Variants in CSMD1 observed in about 807,000 individuals in gnomAD.
CSMD1 encodes CUB and Sushi multiple domains 1.
In CSMD1, 213 loss-of-function variants were observed where a neutral mutation model predicts 417.5. The ratio of observed to expected loss-of-function variants is 0.51; its 90% CI spans 0.46 to 0.57. CSMD1 has a LOEUF of 0.57. Among genes scored for constraint, CSMD1 ranks in the 20% least tolerant of loss-of-function variants. The pLI is 0.00. For missense variants in CSMD1, 6,923 were observed against 4,529.7 expected, an observed-to-expected ratio of 1.53 and a Z score of -15.17; for synonymous variants, 2,862 against 1,736.8, an observed-to-expected ratio of 1.65 and a Z score of -16.11.
chr8:4,520,328 T>A (rs1803373291), intron 2 of CSMD1, among the ~76,000 whole-genome samples: 1 of 152,216 alleles, frequency 6.6e-6, no homozygotes, highest in Admixed American at 6.5e-5. Flanking sequence ...TTGCTGTAGA[T>A]AATAGTCAAT....
intron 26 of CSMD1, among the ~76,000 whole-genome samples, chr8:3,282,395 G>T (rs1360988216): frequency 6.6e-6 from 1 of 152,110 alleles, no homozygotes; most frequent in Non-Finnish European, 1.5e-5. Flanking sequence ...TGAAAAAAAT[G>T]CCTGGAGAAT....
chr8:4,930,249 A>T (rs1481161235), intron 1 of CSMD1, among the ~76,000 whole-genome samples: 2 of 152,188 alleles, frequency 1.3e-5, no homozygotes, highest in East Asian at 3.9e-4. Flanking sequence ...GTGCTAACTA[A>T]TCACACAAAT....
intron 5 of CSMD1, among the ~76,000 whole-genome samples, chr8:3,980,851 A>T (rs964824575): frequency 6.6e-6 from 1 of 152,154 alleles, no homozygotes; most frequent in African/African-American, 2.4e-5. Context: ...CTACTTTGAA[A>T]ATCCTTTCAA....
chr8:4,790,847 G>T (rs1329450390), intron 1 of CSMD1, among the ~76,000 whole-genome samples: 3 of 152,110 alleles, frequency 2.0e-5, no homozygotes, highest in Non-Finnish European at 4.4e-5. Flanking sequence ...ATGAATTAAA[G>T]ACTTAAACGG....
chr8:4,004,596 C>T (rs1284518719), intron 4 of CSMD1, among the ~76,000 whole-genome samples: 1 of 150,548 alleles, frequency 6.6e-6, no homozygotes, highest in African/African-American at 2.4e-5. Flanking sequence ...TTGGGATTTT[C>T]CTTCTTTCCT....
chr8:3,881,906 G>T (rs904212552), intron 5 of CSMD1, among the ~76,000 whole-genome samples: 1 of 152,132 alleles, frequency 6.6e-6, no homozygotes, highest in African/African-American at 2.4e-5. Flanking sequence ...TGTTCATACA[G>T]AAAAAGTTAC....
intron 3 of CSMD1, among the ~76,000 whole-genome samples, chr8:4,108,477 T>C (rs4606080): frequency 0.9 from 137,735 of 152,220 alleles, 62,479 homozygotes; most frequent in South Asian, 0.96. Context: ...GCATCAGATT[T>C]AGTGGCAAGT....
intron 2 of CSMD1, among the ~76,000 whole-genome samples, chr8:4,452,292 A>T (rs758770247): frequency 3.6e-4 from 55 of 152,312 alleles, no homozygotes; most frequent in African/African-American, 1.3e-3. Flanking sequence ...TTGTCTTAAC[A>T]ACTATTTAGG....
chr8:3,653,444 G>C (rs753858392), intron 7 of CSMD1, among the ~76,000 whole-genome samples: 13 of 152,080 alleles, frequency 8.5e-5, no homozygotes, highest in Non-Finnish European at 1.8e-4. Context: ...CAGTAGCTGG[G>C]ATTATAGGTG....
At chr8:4,055,299 G>A (rs1037742358) in intron 3 of CSMD1, among the ~76,000 whole-genome samples, 2 of 152,080 alleles carry the variant, frequency 1.3e-5, no homozygotes, top group Non-Finnish European at 1.5e-5. Context: ...TCTCTAGAAA[G>A]ATTCCAATGT....
At chr8:4,462,664 G>T (rs546104116) in intron 2 of CSMD1, among the ~76,000 whole-genome samples, 1 of 152,102 alleles carries the variant, frequency 6.6e-6, no homozygotes, top group Admixed American at 6.6e-5. Context: ...TAAAATTCAC[G>T]TTCCAGAGAT....
In CSMD1 at chr8:4,439,143, T is replaced by C. The variant is rs1409600342; in HGVS notation, c.303-19078A>G. 4.6e-5 allele frequency among the ~76,000 whole-genome samples: 7 copies of C among 152,216 alleles called. No homozygotes were observed. In the East Asian group the frequency reaches 1.3e-3, roughly 29 times the overall value. On this transcript the variant is annotated intron_variant, in intron 2 of 69. Transcript: ENST00000635120. ...CAATTAATCATCTATATCACCTTGT[T>C]ACTGCTGTGGTAAAGATTATTTCAA... is the stretch of plus-strand genomic sequence containing the variant.
intron 7 of CSMD1, among the ~76,000 whole-genome samples, chr8:3,636,334 C>A (rs543456339): frequency 6.6e-6 from 1 of 152,156 alleles, no homozygotes; most frequent in Non-Finnish European, 1.5e-5. Flanking sequence ...TGCGCCACCA[C>A]GCCTGGCTAA....
intron 3 of CSMD1, among the ~76,000 whole-genome samples, chr8:4,239,114 A>G: frequency 6.6e-6 from 1 of 152,210 alleles, no homozygotes; most frequent in Non-Finnish European, 1.5e-5. Context: ...AAGGGAGATT[A>G]TGTGGGTTAA....
At position 3,407,959 on chromosome 8, in the gene CSMD1, G is replaced by T. The variant is rs1244094374; in HGVS notation, c.2011C>A (p.Arg671Ser). Residue 671 changes from arginine (R) to serine (S), a missense_variant, in exon 14 of 70, where the codon CGC becomes AGC. Arg to Ser is a moderately radical substitution (Grantham distance 110, BLOSUM62 -1). Transcript: ENST00000635120. ...SQLASSGHIV[R>S]LEFQSDHSTT... ...GAATGGTCAGACTGAAATTCCAAGC[G>T]AACTATATGCCCACTGCTGGCCAGC... is the stretch of plus-strand genomic sequence containing the variant. 6.2e-6 allele frequency: 10 copies of T among 1,613,408 alleles called. No individual in the cohort carries two copies. Among genetic ancestry groups the T allele is most frequent in the African/African-American group, 1.3e-5 (1 of 74,868 alleles).
At chr8:3,904,639 C>CTTTTT (rs11395103) in intron 5 of CSMD1, among the ~76,000 whole-genome samples, 7 of 133,134 alleles carry the variant, frequency 5.3e-5, no homozygotes, top group African/African-American at 2.0e-4. Context: ...CGTTTTCTTT[C>CTTTTT]TTTTTTTTTT....
chr8:3,177,754 C>G (rs1394223827), intron 37 of CSMD1, among the ~76,000 whole-genome samples: 1 of 152,114 alleles, frequency 6.6e-6, no homozygotes, highest in Admixed American at 6.5e-5. Flanking sequence ...ATACTGAGTT[C>G]AATAACAGTC....
chr8:3,411,683 TGTATATATACACAC>T (rs1158893297), intron 12 of CSMD1, among the ~76,000 whole-genome samples: 3 of 64,258 alleles, frequency 4.7e-5, no homozygotes, highest in Non-Finnish European at 6.6e-5. Flanking sequence ...TATATATACG[TGTATATATACACAC>T]GTATATATAC....
chr8:3,604,754 G>A (rs998304926), intron 8 of CSMD1, among the ~76,000 whole-genome samples: 1 of 152,112 alleles, frequency 6.6e-6, no homozygotes, highest in Non-Finnish European at 1.5e-5. Context: ...TTGGACACAT[G>A]GGCATAACCT....
Sources: allele counts gnomAD v4.1 joint callset (sites outside exome capture counted in the v4.1 genomes callset), GRCh38; gene constraint gnomAD v4.1.1; transcripts MANE v1.5; gene names NCBI Gene and HGNC (gene_info 2026-07-23, HGNC 2026-07-21).